The following CYP7A1 variants were observed in gnomAD, a reference collection of about 807,000 sequenced individuals.
CYP7A1 encodes cytochrome P450 7A1.
In CYP7A1, 28 loss-of-function variants were observed where a neutral mutation model predicts 43.8. The ratio of observed to expected loss-of-function variants is 0.64; its 90% confidence interval spans 0.47 to 0.88. The LOEUF (loss-of-function observed/expected upper bound fraction) is 0.88, where lower values mean the gene tolerates loss of function less well. Ranked by LOEUF, CYP7A1 falls within the 40% of genes least tolerant of loss-of-function variation. The pLI is 0.00. For missense variants in CYP7A1, 637 were observed against 611.9 expected (o/e 1.04, Z -0.43); for synonymous variants, 227 against 222.5 (o/e 1.02, Z -0.18).
Position 58,492,383 on chromosome 8 carries a change from G to A in CYP7A1, c.1185C>T (p.His395=). 1 of 1,614,068 alleles carries A rather than the reference G, an allele frequency of 6.2e-7. No individual in the cohort carries two copies. The highest frequency in any genetic ancestry group is 8.5e-7 in the Non-Finnish European group (1 of 1,179,962). The change falls in exon 5 of 6, where the codon CAC becomes CAT. Residue 395 remains histidine (H), a synonymous_variant. Transcript: ENST00000301645. ...DIIALYPQLM[H]LDPEIYPDPL... ...GGTCTGGGTAGATTTCTGGATCTAA[G>A]TGCATTAACTGTGGGTAAAGAGCTA...
intron 4 of CYP7A1, 40 bp downstream of exon 4, chr8:58,494,466 G>T: frequency 6.2e-7 from 1 of 1,601,012 alleles, no homozygotes; most frequent in Non-Finnish European, 8.6e-7. Flanking sequence ...TAAAGTAGTA[G>T]GACATAGAAA....
In CYP7A1 at chr8:58,492,523, T is replaced by C; in HGVS notation, c.1045A>G (p.Ile349Val). The change falls in exon 5 of 6, where the codon ATA becomes GTA. Residue 349 changes from isoleucine to valine, a missense_variant. Physicochemically the swap from Ile to Val is conservative, Grantham distance 29. Coordinates refer to ENST00000301645, the MANE Select transcript of CYP7A1 (RefSeq NM_000780.4). ...ELNDLPVLDS[I>V]IKESLRLSSA... The stretch of plus-strand genomic sequence containing the variant: ...GAAAGCCTCAGCGATTCCTTGATTA[T>C]ACTATCTAAACATTTTAAAAGAAAA... The C allele has an allele frequency of 6.2e-7, 1 of 1,612,290 alleles. No homozygotes were observed. The highest frequency in any genetic ancestry group is 1.1e-5 in the South Asian group (1 of 91,044).
At position 58,496,719 on chromosome 8, in the gene CYP7A1, C is replaced by A. The variant is rs1563484081; in HGVS notation, c.793G>T (p.Asp265Tyr). ...AGATCATCAAAGGTGGACAAAGTGTCATTGAGAAACATGCGCAGGCTGATC... is the reference window on the plus strand; with the variant it reads ...AGATCATCAAAGGTGGACAAAGTGTAATTGAGAAACATGCGCAGGCTGATC... ...ELISLRMFLN[D>Y]TLSTFDDLEK... Residue 265 changes from aspartate (D) to tyrosine (Y), a missense_variant, in exon 3 of 6, where the codon GAC becomes TAC. Coordinates refer to ENST00000301645, the MANE Select transcript of CYP7A1 (RefSeq NM_000780.4). 1.9e-6 allele frequency: 3 copies of A among 1,614,104 alleles called. No homozygotes were observed. The highest frequency in any genetic ancestry group is 1.3e-5 in the African/African-American group (1 of 74,930).
At chr8:58,493,829 G>A (rs556852700) in intron 4 of CYP7A1, among the ~76,000 whole-genome samples, 22 of 151,896 alleles carry the variant, frequency 1.4e-4, no homozygotes, top group East Asian at 9.7e-4. Context: ...GTGAAACCCC[G>A]TCTCTACTAA....
chr8:58,496,628 A>T lies in CYP7A1; in HGVS notation c.884T>A (p.Phe295Tyr). ...ASQANTIPAT[F>Y]WSLFQMIRNP... Reference sequence around the variant, plus strand: ...CCTAATCATTTGAAATAAACTCCAGAAAGTCGCTGGAATGGTGTTTGCTTG... The same window carrying T: ...CCTAATCATTTGAAATAAACTCCAGTAAGTCGCTGGAATGGTGTTTGCTTG... Residue 295 changes from phenylalanine to tyrosine, a missense_variant, in exon 3 of 6, where the codon TTC becomes TAC. Transcript: ENST00000301645. The T allele has an allele frequency of 6.2e-7, 1 of 1,614,018 alleles. No individual in the cohort carries two copies. Among genetic ancestry groups the T allele is most frequent in the East Asian group, 2.2e-5 (1 of 44,890 alleles).
intron 5 of CYP7A1, among the ~76,000 whole-genome samples, 185 bp from the exon 6 acceptor site, chr8:58,491,959 G>T (rs1004205004): frequency 1.3e-5 from 2 of 152,148 alleles, no homozygotes. Context: ...AGGAAGCCTT[G>T]TGATACCTCC....
Position 58,496,642 on chromosome 8 carries a change from G to A in CYP7A1, c.870C>T (p.Thr290=). ...LVVLWASQAN[T]IPATFWSLFQ... ...ATAAACTCCAGAAAGTCGCTGGAAT[G>A]GTGTTTGCTTGCGATGCCCAGAGGA... The change falls in exon 3 of 6, where the codon ACC becomes ACT. Residue 290 remains threonine (T), a synonymous_variant. Coordinates refer to ENST00000301645, the MANE Select transcript of CYP7A1 (RefSeq NM_000780.4). 1 of 1,614,188 alleles carries A rather than the reference G, an allele frequency of 6.2e-7. No individual in the cohort carries two copies. Among genetic ancestry groups the A allele is most frequent in the Non-Finnish European group, 8.5e-7 (1 of 1,180,018 alleles).
chr8:58,491,294 T>A lies in CYP7A1; in HGVS notation c.*181A>T. On this transcript the variant is annotated 3_prime_UTR_variant, in exon 6 of 6. Coordinates refer to ENST00000301645, the MANE Select transcript of CYP7A1 (RefSeq NM_000780.4). ...TAGTTCTTTTCACTAGCAGAGTCTGTGATAGCATCTGGAAACTGTCACCAA... is the reference window on the plus strand; with the variant it reads ...TAGTTCTTTTCACTAGCAGAGTCTGAGATAGCATCTGGAAACTGTCACCAA... The A allele has an allele frequency of 1.6e-6, 1 of 633,638 alleles. No individual in the cohort carries two copies. The highest frequency in any genetic ancestry group is 2.8e-6 in the Non-Finnish European group (1 of 359,160). 39.3% of individuals were successfully genotyped at this position (633,638 alleles called of 1,614,324 possible).
intron 3 of CYP7A1, among the ~76,000 whole-genome samples, chr8:58,495,209 T>TTTA (rs1412893040): frequency 2.1e-3 from 285 of 137,838 alleles, no homozygotes; most frequent in African/African-American, 7.3e-3. Flanking sequence ...AGGGCTTTTA[T>TTTA]TTTATTTTTA....
Position 58,491,608 on chromosome 8 carries a change from A to C in CYP7A1, c.1382T>G (p.Met461Arg). The C allele has an allele frequency of 6.2e-7, 1 of 1,614,238 alleles. No homozygotes were observed. The highest frequency in any genetic ancestry group is 1.1e-5 in the South Asian group (1 of 91,090). ...AAGCTCCAATTCAAAATAAGAAAGCATCAGAATCAAAAATTGCTTGATTTC... is the reference window on the plus strand; with the variant it reads ...AAGCTCCAATTCAAAATAAGAAAGCCTCAGAATCAAAAATTGCTTGATTTC... The part of the protein sequence containing the change: ...IHEIKQFLIL[M>R]LSYFELELIE... Residue 461 changes from methionine (M) to arginine (R), a missense_variant, in exon 6 of 6, where the codon ATG becomes AGG. By Grantham distance (91) the Met-to-Arg change is moderately conservative. Coordinates refer to ENST00000301645, the MANE Select transcript of CYP7A1 (RefSeq NM_000780.4).
In CYP7A1 at chr8:58,500,162, C is replaced by T. The variant is rs1168289295; in HGVS notation, c.-64G>A. The stretch of plus-strand genomic sequence containing the variant: ...TCTGATTAGAAAGGGAAGGATGCCA[C>T]TGAAAAGAGACTCAAGCTAGGCTTT... On this transcript the variant is annotated 5_prime_UTR_variant, in exon 1 of 6. In the 5' UTR this introduces an upstream ATG that the reference lacks. Transcript: ENST00000301645. 1 of 1,295,486 alleles carries T rather than the reference C, an allele frequency of 7.7e-7. No homozygotes were observed. The highest frequency in any genetic ancestry group is 1.1e-6 in the Non-Finnish European group (1 of 890,652). 80.2% of individuals were successfully genotyped at this position (1,295,486 alleles called of 1,614,324 possible).
intron 3 of CYP7A1, 32 bp from the exon 4 acceptor site, chr8:58,494,668 C>T (rs1352263858): frequency 1.9e-6 from 3 of 1,609,530 alleles, no homozygotes; most frequent in African/African-American, 1.3e-5. Flanking sequence ...CATGTATGTA[C>T]AGAAAATAAA....
chr8:58,492,343 A>G lies in CYP7A1; in HGVS notation c.1215+10T>C, dbSNP rs1346244362. The G allele has an allele frequency of 6.2e-7, 1 of 1,608,008 alleles. No individual in the cohort carries two copies. Among genetic ancestry groups the G allele is most frequent in the South Asian group, 1.1e-5 (1 of 90,954 alleles). On this transcript the variant is annotated intron_variant, in intron 5 of 5. Coordinates refer to ENST00000301645, the MANE Select transcript of CYP7A1 (RefSeq NM_000780.4). ...ACCTGGATATTGAATTTCAATGGGCAGGCACTTACCAAAGGGTCTGGGTAG... is the reference window on the plus strand; with the variant it reads ...ACCTGGATATTGAATTTCAATGGGCGGGCACTTACCAAAGGGTCTGGGTAG...
At position 58,490,494 on chromosome 8, in the gene CYP7A1, C is replaced by A. The variant is rs1210184395; in HGVS notation, c.*981G>T. 6.6e-6 allele frequency: 1 copy of A among 152,106 alleles called. No individual in the cohort carries two copies. Among genetic ancestry groups the A allele is most frequent in the African/African-American group, 2.4e-5 (1 of 41,422 alleles). 9.4% of individuals were successfully genotyped at this position (152,106 alleles called of 1,614,324 possible). On this transcript the variant is annotated 3_prime_UTR_variant, in exon 6 of 6. Transcript: ENST00000301645. The stretch of plus-strand genomic sequence containing the variant: ...TCCACATGTTTCATAACCAAAGCTT[C>A]CAAATGGCTATTTCCATCCAGTTTT...
chr8:58,493,404 G>A (rs566556130), intron 4 of CYP7A1, among the ~76,000 whole-genome samples: 12 of 152,086 alleles, frequency 7.9e-5, no homozygotes, highest in Admixed American at 4.6e-4. Context: ...ACCGCTGCCC[G>A]GTAAAGGCAT....
intron 1 of CYP7A1, among the ~76,000 whole-genome samples, chr8:58,498,797 G>A (rs1222417593): frequency 6.6e-6 from 1 of 152,176 alleles, no homozygotes; most frequent in Non-Finnish European, 1.5e-5. Flanking sequence ...GATTCTTGTT[G>A]TCAGTGCGGA....
chr8:58,495,519 C>T (rs548907725), intron 3 of CYP7A1, among the ~76,000 whole-genome samples: 11 of 152,160 alleles, frequency 7.2e-5, no homozygotes, highest in South Asian at 4.1e-4. Flanking sequence ...TGAGCCATTG[C>T]GCCCGGCCTG....
At chr8:58,494,811 T>A (rs1585642400) in intron 3 of CYP7A1, among the ~76,000 whole-genome samples, 175 bp from the exon 4 acceptor site, 1 of 152,300 alleles carries the variant, frequency 6.6e-6, no homozygotes, top group African/African-American at 2.4e-5. Context: ...TGGGTTTATG[T>A]CCTTGGATAT....
rs151122002 is a variant in CYP7A1, at chr8:58,491,698, T to C, written c.1292A>G (p.Lys431Arg). The change falls in exon 6 of 6, where the codon AAG becomes AGG. Residue 431 changes from lysine to arginine, a missense_variant. By Grantham distance (26) the Lys-to-Arg change is conservative (BLOSUM62 2). Transcript: ENST00000301645. ...TTFYCNGLKL[K>R]YYYMPFGSGA... Reference sequence around the variant, plus strand: ...CGATCCAAAGGGCATGTAGTAATACTTTAACTTGAGTCCATTACAATAGAA... The same window carrying C: ...CGATCCAAAGGGCATGTAGTAATACCTTAACTTGAGTCCATTACAATAGAA... 4.5e-5 allele frequency: 72 copies of C among 1,613,798 alleles called. No homozygotes were observed. In the East Asian group the frequency reaches 1.4e-3, roughly 31 times the overall value.
Sources: allele counts gnomAD v4.1 joint callset (sites outside exome capture counted in the v4.1 genomes callset), GRCh38; gene constraint gnomAD v4.1.1; transcripts MANE v1.5; gene names NCBI Gene and HGNC (gene_info 2026-07-23, HGNC 2026-07-21).